Variants in NAV3 observed in about 807,000 individuals in gnomAD.
NAV3 encodes pore membrane and/or filament interacting like protein 1.
In NAV3, 87 loss-of-function variants were observed where a neutral mutation model predicts 244.7. That is an observed-to-expected ratio of 0.36 (90% CI 0.30 to 0.42). The LOEUF is 0.42. Among genes scored for constraint, NAV3 ranks in the 20% least tolerant of loss-of-function variants. The pLI is 1.00. For missense variants in NAV3, 2,663 were observed against 2,893.3 expected, an observed-to-expected ratio of 0.92 and a Z score of 1.83; for synonymous variants, 1,126 against 1,042.2, an observed-to-expected ratio of 1.08 and a Z score of -1.55.
At chr12:77,946,515 C>G (rs1004372428) in intron 3 of NAV3, among the ~76,000 whole-genome samples, 5 of 151,936 alleles carry the variant, frequency 3.3e-5, no homozygotes, top group African/African-American at 9.7e-5. Flanking sequence ...CTAAACTGGT[C>G]CTGGAAAACA....
At chr12:77,873,522 A>G (rs965886648) in intron 1 of NAV3, among the ~76,000 whole-genome samples, 1 of 151,370 alleles carries the variant, frequency 6.6e-6, no homozygotes, top group Non-Finnish European at 1.5e-5. Context: ...ATACATTTCT[A>G]ATATTTAGCA....
chr12:78,121,217 A>G (rs986863929), intron 15 of NAV3, among the ~76,000 whole-genome samples: 1 of 152,226 alleles, frequency 6.6e-6, no homozygotes, highest in Admixed American at 6.5e-5. Flanking sequence ...TGATTCTACC[A>G]TCTGCTTCAT....
chr12:77,789,938 C>T (rs893848119), intron 2 of NAV3, among the ~76,000 whole-genome samples: 1 of 151,850 alleles, frequency 6.6e-6, no homozygotes, highest in African/African-American at 2.4e-5. Flanking sequence ...CTGTCCTGGG[C>T]CGAATGTGGG....
chr12:78,079,449 A>C (rs528604447), intron 12 of NAV3, among the ~76,000 whole-genome samples: 1 of 152,314 alleles, frequency 6.6e-6, no homozygotes, highest in Non-Finnish European at 1.5e-5. Context: ...TTTTATCAGC[A>C]AAAAGGCTGT....
intron 34 of NAV3, among the ~76,000 whole-genome samples, chr12:78,193,418 A>G (rs572530241): frequency 6.6e-6 from 1 of 152,292 alleles, no homozygotes; most frequent in South Asian, 2.1e-4. Context: ...AGAAAACTGT[A>G]CCTGATAGAT....
At chr12:77,863,129 A>G (rs1721793343) in intron 1 of NAV3, among the ~76,000 whole-genome samples, 1 of 151,874 alleles carries the variant, frequency 6.6e-6, no homozygotes, top group African/African-American at 2.4e-5. Flanking sequence ...GACCAATCCA[A>G]CAAGTTTATA....
At chr12:77,622,913 T>C (rs1183258489) in intron 2 of NAV3, among the ~76,000 whole-genome samples, 2 of 152,216 alleles carry the variant, frequency 1.3e-5, no homozygotes, top group African/African-American at 4.8e-5. Context: ...GTCATCTAGA[T>C]TGGTGCATAA....
intron 2 of NAV3, among the ~76,000 whole-genome samples, chr12:77,801,714 A>AT (rs1015776463): frequency 2.0e-5 from 3 of 152,064 alleles, no homozygotes; most frequent in Non-Finnish European, 4.4e-5. Context: ...AGAAGCCTGA[A>AT]TTTTTTTATG....
chr12:77,616,725 G>GACAC (rs1555186603), intron 2 of NAV3, among the ~76,000 whole-genome samples: 1 of 141,568 alleles, frequency 7.1e-6, no homozygotes, highest in African/African-American at 2.9e-5. Context: ...GCTACACACA[G>GACAC]GCGCGCACAC....
chr12:77,820,591 A>G (rs368574932), intron 2 of NAV3, among the ~76,000 whole-genome samples: 7 of 152,156 alleles, frequency 4.6e-5, no homozygotes, highest in East Asian at 1.9e-4. Context: ...AAACCATTGC[A>G]ATGTCTGACA....
chr12:77,631,716 T>C (rs1178875047), intron 2 of NAV3, among the ~76,000 whole-genome samples: 1 of 152,188 alleles, frequency 6.6e-6, no homozygotes, highest in Non-Finnish European at 1.5e-5. Flanking sequence ...AAAAACCTTA[T>C]TAAATTGTCA....
chr12:78,019,310 C>G (rs956569903), intron 8 of NAV3, among the ~76,000 whole-genome samples: 1 of 151,962 alleles, frequency 6.6e-6, no homozygotes, highest in Non-Finnish European at 1.5e-5. Flanking sequence ...TTTGTTTTAC[C>G]GTTGTGGCTA....
At chr12:78,006,195 T>C (rs1874182266) in intron 7 of NAV3, among the ~76,000 whole-genome samples, 1 of 151,454 alleles carries the variant, frequency 6.6e-6, no homozygotes, top group Non-Finnish European at 1.5e-5. Context: ...AATAAACACG[T>C]CCCCCCACAG....
In NAV3 at chr12:77,718,983, C is replaced by T. The variant is rs147585305; in HGVS notation, c.72+146717C>T. Among the ~76,000 whole-genome samples the T allele has an allele frequency of 3.3e-3, 507 of 152,166 alleles. 4 individuals are homozygous for T. The highest frequency in any genetic ancestry group is 0.011 in the African/African-American group (463 of 41,546). Reference sequence around the variant, plus strand: ...ATGTCTTTCCACTTATTTATTCCTTCGCTGATTTCTTTCAGCAATGTTTTG... The same window carrying T: ...ATGTCTTTCCACTTATTTATTCCTTTGCTGATTTCTTTCAGCAATGTTTTG... On this transcript the variant is annotated intron_variant, in intron 2 of 8. Coordinates refer to the NAV3 transcript ENST00000550042.
At chr12:77,662,621 G>A (rs711131) in intron 2 of NAV3, among the ~76,000 whole-genome samples, 10,580 of 151,916 alleles carry the variant, frequency 0.07, 445 homozygotes, top group African/African-American at 0.089. Context: ...GGATTTTTGC[G>A]TAAATTTCTC....
At chr12:77,908,059 T>C (rs1886181235) in intron 1 of NAV3, among the ~76,000 whole-genome samples, 1 of 152,108 alleles carries the variant, frequency 6.6e-6, no homozygotes, top group African/African-American at 2.4e-5. Flanking sequence ...GTAGATACTA[T>C]AGAGTTGTGG....
At chr12:77,615,672 A>G (rs1871119659) in intron 2 of NAV3, among the ~76,000 whole-genome samples, 8 of 152,144 alleles carry the variant, frequency 5.3e-5, no homozygotes, top group Admixed American at 5.2e-4. Flanking sequence ...TGCTGCTGTG[A>G]TGAACATATG....
At chr12:77,711,610 G>A (rs1876116719) in intron 2 of NAV3, among the ~76,000 whole-genome samples, 1 of 152,198 alleles carries the variant, frequency 6.6e-6, no homozygotes, top group African/African-American at 2.4e-5. Context: ...CTAAAGGGCA[G>A]GTGCCCTGAT....
intron 2 of NAV3, among the ~76,000 whole-genome samples, chr12:77,742,448 T>G (rs1868354268): frequency 6.6e-6 from 1 of 152,076 alleles, no homozygotes; most frequent in African/African-American, 2.4e-5. Flanking sequence ...ATTGGAAATT[T>G]TTTGGAGATT....
Sources: allele counts gnomAD v4.1 joint callset (sites outside exome capture counted in the v4.1 genomes callset), GRCh38; gene constraint gnomAD v4.1.1; transcripts MANE v1.5; gene names NCBI Gene and HGNC (gene_info 2026-07-23, HGNC 2026-07-21).